Variants in PATJ observed in about 807,000 individuals in gnomAD.
PATJ encodes the protein PATJ crumbs cell polarity complex component, also known as inaD-like protein.
PATJ carries 190 observed loss-of-function variants against 224.9 expected under a neutral mutation model. The ratio of observed to expected loss-of-function variants is 0.84; its 90% confidence interval spans 0.75 to 0.95. The LOEUF (loss-of-function observed/expected upper bound fraction) is 0.95, where lower values mean the gene tolerates loss of function less well. PATJ is among the 40% of genes least tolerant of loss of function. The probability of loss-of-function intolerance (pLI) is 0.00; values close to 1 mark genes in which losing one functional copy is unlikely to be tolerated. For synonymous variants in PATJ, 769 were observed against 820.3 expected (o/e 0.94, Z 1.07); for missense variants, 2,121 against 2,270.3 (o/e 0.93, Z 1.34).
intron 27 of PATJ, among the ~76,000 whole-genome samples, chr1:61,968,553 A>G (rs983493339): frequency 2.0e-5 from 3 of 152,120 alleles, no homozygotes; most frequent in African/African-American, 7.2e-5. Context: ...TTCTTTTTTT[A>G]ATGTATTTTT....
At chr1:61,839,812 C>T (rs552241573) in intron 17 of PATJ, among the ~76,000 whole-genome samples, 77 of 152,168 alleles carry the variant, frequency 5.1e-4, no homozygotes, top group African/African-American at 1.8e-3. Flanking sequence ...CCTCTCCCCT[C>T]TTGAGTGACT....
At chr1:61,819,170 G>A (rs1557701080) in intron 14 of PATJ, among the ~76,000 whole-genome samples, 3 of 152,112 alleles carry the variant, frequency 2.0e-5, no homozygotes, top group Admixed American at 2.0e-4. Flanking sequence ...TCATTGTGGA[G>A]CCTGCTCTGA....
rs765699222 is a variant in PATJ at position 61,822,948 on chromosome 1, C to T, written c.1687C>T (p.Leu563=). Residue 563 remains leucine, a synonymous_variant, in exon 15 of 44, where the codon CTG becomes TTG. Transcript: ENST00000642238. ...DAELQKYSKL[L]PIHTLRLGVE... ...ATTGCTTTGTGTTTTGCTACAGCTG[C>T]TGCCTATTCACACTCTGAGGCTTGG... The T allele has an allele frequency of 6.2e-7, 1 of 1,614,012 alleles. No individual in the cohort carries two copies. Among genetic ancestry groups the T allele is most frequent in the Admixed American group, 1.7e-5 (1 of 60,012 alleles).
chr1:61,982,619 A>G (rs556355868), intron 27 of PATJ, among the ~76,000 whole-genome samples: 11 of 152,216 alleles, frequency 7.2e-5, no homozygotes, highest in African/African-American at 2.4e-4. Flanking sequence ...ACTGAGGGAG[A>G]AATTCAAAGT....
At chr1:61,781,329 A>G (rs1647285338) in intron 7 of PATJ, among the ~76,000 whole-genome samples, 1 of 152,126 alleles carries the variant, frequency 6.6e-6, no homozygotes, top group Non-Finnish European at 1.5e-5. Context: ...ACAGAGCACT[A>G]TTCACTTCTC....
chr1:61,998,657 C>T (rs141883928), intron 28 of PATJ, among the ~76,000 whole-genome samples: 1 of 152,292 alleles, frequency 6.6e-6, no homozygotes, highest in East Asian at 1.9e-4. Flanking sequence ...ACTAGGAGAG[C>T]TTGTCTGAAC....
chr1:61,936,909 G>T (rs1408694228), intron 27 of PATJ, among the ~76,000 whole-genome samples: 1 of 151,980 alleles, frequency 6.6e-6, no homozygotes, highest in Non-Finnish European at 1.5e-5. Flanking sequence ...CTTCTTATCA[G>T]TATTATCTAC....
Position 61,905,308 on chromosome 1 carries a change from C to G in PATJ, c.3382-3064C>G, listed in dbSNP as rs143535505. 6.5e-3 allele frequency among the ~76,000 whole-genome samples: 988 copies of G among 152,292 alleles called. 34 individuals are homozygous for G. The highest frequency in any genetic ancestry group is 0.059 in the Admixed American group (899 of 15,302). Reference sequence around the variant, plus strand: ...GCTATCTTGGGTCTCTTTTATAAGGCCACTAATCCTATTCTTGAGGGCAGA... The same window carrying G: ...GCTATCTTGGGTCTCTTTTATAAGGGCACTAATCCTATTCTTGAGGGCAGA... On this transcript the variant is annotated intron_variant, in intron 24 of 43. Coordinates refer to ENST00000642238, the MANE Select transcript of PATJ (RefSeq NM_001350145.3).
intron 27 of PATJ, among the ~76,000 whole-genome samples, chr1:61,938,962 T>G (rs1450820538): frequency 6.6e-6 from 1 of 150,680 alleles, no homozygotes; most frequent in African/African-American, 2.4e-5. Context: ...CTACTAAATA[T>G]ACAAAAAAAA....
chr1:61,903,929 C>A (rs1482664479), intron 24 of PATJ, among the ~76,000 whole-genome samples: 3 of 151,902 alleles, frequency 2.0e-5, no homozygotes, highest in African/African-American at 7.3e-5. Flanking sequence ...CCCACCACCA[C>A]GCCCGGCTAA....
At chr1:61,755,390 G>A (rs918853841) in intron 1 of PATJ, among the ~76,000 whole-genome samples, 2 of 151,282 alleles carry the variant, frequency 1.3e-5, no homozygotes, top group African/African-American at 4.9e-5. Context: ...TCTATTTTAT[G>A]TATGTTTTAA....
chr1:61,893,630 G>A (rs375947650), intron 22 of PATJ, among the ~76,000 whole-genome samples: 2 of 151,452 alleles, frequency 1.3e-5, no homozygotes, highest in East Asian at 3.9e-4. Flanking sequence ...ATGAGACCCC[G>A]TATCTACAAA....
At chr1:62,148,786 T>TA (rs999398897) in intron 42 of PATJ, among the ~76,000 whole-genome samples, 1 of 152,084 alleles carries the variant, frequency 6.6e-6, no homozygotes, top group Non-Finnish European at 1.5e-5. Flanking sequence ...TCATCGCAGT[T>TA]AAAGTTGTTC....
chr1:61,813,330 T>C (rs896759382), intron 14 of PATJ, among the ~76,000 whole-genome samples: 3 of 106,550 alleles, frequency 2.8e-5, no homozygotes, highest in African/African-American at 1.1e-4. Flanking sequence ...CTCTATGGAA[T>C]GTACATATAT....
In PATJ at chr1:61,826,991, T is replaced by C. The variant is rs528324547; in HGVS notation, c.1819-431T>C. ...TAACATCCTTAAATTTCTGTAGTGA[T>C]ATTCTTATAAAATGAAAATGCAAAG... On this transcript the variant is annotated intron_variant, in intron 15 of 43. Transcript: ENST00000642238. 2.0e-5 allele frequency among the ~76,000 whole-genome samples: 3 copies of C among 152,322 alleles called. No individual in the cohort carries two copies. In the South Asian group the frequency reaches 6.2e-4, roughly 32 times the overall value.
At chr1:61,861,695 A>T in intron 19 of PATJ, 28 bp downstream of exon 19, 1 of 1,017,210 alleles carries the variant, frequency 9.8e-7, no homozygotes, top group East Asian at 2.8e-5. Flanking sequence ...TTCCCATTTG[A>T]ATGATTTGCT....
Position 61,808,052 on chromosome 1 carries a change from A to G in PATJ, c.1627-422A>G, listed in dbSNP as rs140560657. Among the ~76,000 whole-genome samples, 541 of 152,296 alleles carry G rather than the reference A, an allele frequency of 3.6e-3. 4 individuals are homozygous for G. The highest frequency in any genetic ancestry group is 0.013 in the African/African-American group (524 of 41,554). On this transcript the variant is annotated intron_variant, in intron 13 of 43. Transcript: ENST00000642238. ...AAAGTCAGATGCTTTAGTTTTTCCA[A>G]ACACATCTGACTTTACTGACCTTGC... is the stretch of plus-strand genomic sequence containing the variant.
intron 14 of PATJ, among the ~76,000 whole-genome samples, chr1:61,813,576 G>A (rs573409852): frequency 1.4e-4 from 21 of 151,718 alleles, no homozygotes; most frequent in African/African-American, 4.6e-4. Context: ...GGGTGCTCGG[G>A]TTCCAGAAGA....
At chr1:61,936,976 C>T (rs183702957) in intron 27 of PATJ, among the ~76,000 whole-genome samples, 341 of 152,148 alleles carry the variant, frequency 2.2e-3, no homozygotes, top group Non-Finnish European at 3.8e-3. Flanking sequence ...TAGGAAATAT[C>T]CAGGAACAAT....
Sources: gnomAD v4.1 joint callset for allele counts (sites outside exome capture counted in the v4.1 genomes callset) on GRCh38, gnomAD v4.1.1 for gene constraint, MANE v1.5 for transcripts, NCBI Gene and HGNC (gene_info 2026-07-23, HGNC 2026-07-21) for gene names.